Variants in ERICH5 observed in about 807,000 individuals in gnomAD.
ERICH5 encodes glutamate rich 5, also known as glutamate-rich protein 5.
Under a neutral mutation model 28.0 loss-of-function variants are expected in ERICH5, and 24 were observed. The ratio of observed to expected loss-of-function variants is 0.86; its 90% CI spans 0.62 to 1.21. The LOEUF is 1.21. Among genes scored for constraint, ERICH5 ranks in the 50% most tolerant of loss-of-function variants. The pLI, the probability that ERICH5 is intolerant of heterozygous loss-of-function variation, is 0.00. For synonymous variants in ERICH5, 163 were observed against 157.6 expected (o/e 1.03, Z -0.25); for missense variants, 421 against 441.2 (o/e 0.95, Z 0.41).
At chr8:98,079,362 C>T (rs767701006) in intron 1 of ERICH5, among the ~76,000 whole-genome samples, 16 of 151,700 alleles carry the variant, frequency 1.1e-4, no homozygotes, top group Admixed American at 7.2e-4. Flanking sequence ...CCTGCTAGAA[C>T]CCCTGTGCCC....
rs200498974 is a variant in ERICH5 at position 98,081,927 on chromosome 8, TAAA to T, written c.59-7135_59-7133del. Among the ~76,000 whole-genome samples the T allele has an allele frequency of 1.4e-4, 20 of 139,560 alleles. 1 individual carries two copies. In the South Asian group the frequency reaches 3.4e-3, roughly 24 times the overall value. The allele number at this position is 139,560 out of a possible 152,430, so 91.6% of individuals were successfully genotyped here. A position where few individuals can be genotyped will look rare whatever the true frequency, so the allele number is the denominator to read the frequency against. ...TGGGCAACAAGAATGAAACTTCGTC[TAAA>T]AAAAAAAAAAAAATTCCCCTATACT... On this transcript the variant is annotated intron_variant, in intron 1 of 2. Coordinates refer to ENST00000318528, the MANE Select transcript of ERICH5 (RefSeq NM_173549.3).
chr8:98,076,943 AC>A (rs1240710292), intron 1 of ERICH5, among the ~76,000 whole-genome samples: 2 of 152,272 alleles, frequency 1.3e-5, no homozygotes, highest in East Asian at 3.9e-4. Flanking sequence ...TGTGCCACTC[AC>A]TAGCTGTGTG....
At chr8:98,077,777 C>T (rs1815086105) in intron 1 of ERICH5, among the ~76,000 whole-genome samples, 1 of 151,960 alleles carries the variant, frequency 6.6e-6, no homozygotes, top group Non-Finnish European at 1.5e-5. Flanking sequence ...ACTATGTTGC[C>T]CAGGCTCATC....
chr8:98,087,598 G>T (rs1397921965), intron 1 of ERICH5, among the ~76,000 whole-genome samples: 1 of 151,674 alleles, frequency 6.6e-6, no homozygotes, highest in Non-Finnish European at 1.5e-5. Context: ...TTTGTGATTT[G>T]TTTTCCCCCT....
intron 2 of ERICH5, among the ~76,000 whole-genome samples, chr8:98,091,888 CTTTCTTTCTTTCCTTT>C (rs1815400906): frequency 1.3e-5 from 1 of 77,816 alleles, no homozygotes; most frequent in Non-Finnish European, 2.5e-5. Context: ...TTCTTTCTTT[CTTTCTTTCTTTCCTTT>C]CTTTCTTTCT....
chr8:98,069,022 C>G (rs1470100312), intron 1 of ERICH5, among the ~76,000 whole-genome samples: 1 of 152,220 alleles, frequency 6.6e-6, no homozygotes, highest in Admixed American at 6.5e-5. Flanking sequence ...GTTAGGTCAT[C>G]TGGTCCTAAC....
intron 1 of ERICH5, among the ~76,000 whole-genome samples, chr8:98,076,727 G>A (rs1276070330): frequency 6.6e-6 from 1 of 151,992 alleles, no homozygotes; most frequent in Non-Finnish European, 1.5e-5. Context: ...CTTCCCTGGT[G>A]ACTCCATAGG....
At chr8:98,074,034 A>G (rs1204680976) in intron 1 of ERICH5, among the ~76,000 whole-genome samples, 1 of 151,180 alleles carries the variant, frequency 6.6e-6, no homozygotes, top group Non-Finnish European at 1.5e-5. Flanking sequence ...AGCTGGGACT[A>G]TAGGCATGCA....
intron 1 of ERICH5, among the ~76,000 whole-genome samples, chr8:98,086,062 C>G (rs1225963032): frequency 1.3e-5 from 2 of 152,108 alleles, no homozygotes; most frequent in Non-Finnish European, 2.9e-5. Flanking sequence ...ATTAAAGCAT[C>G]TTCGGAGGTG....
intron 1 of ERICH5, among the ~76,000 whole-genome samples, chr8:98,077,723 TTC>T (rs1449854686): frequency 2.6e-5 from 4 of 152,124 alleles, no homozygotes; most frequent in African/African-American, 9.6e-5. Context: ...TTGTTTCTCT[TTC>T]TCTCTCTCTG....
chr8:98,073,189 C>A (rs192627920), intron 1 of ERICH5, among the ~76,000 whole-genome samples: 89 of 151,860 alleles, frequency 5.9e-4, no homozygotes, highest in African/African-American at 2.1e-3. Context: ...CAGGTACTGA[C>A]CCTCTCCATG....
At position 98,093,419 on chromosome 8, in the gene ERICH5, C is replaced by T. The variant is rs1815445160; in HGVS notation, c.*86C>T. ...TGTGGTTATGTATCTTATCTTTCTACATTTACATGTTTTCTGTAAGGAGTG... is the reference window on the plus strand; with the variant it reads ...TGTGGTTATGTATCTTATCTTTCTATATTTACATGTTTTCTGTAAGGAGTG... On this transcript the variant is annotated 3_prime_UTR_variant, in exon 3 of 3. Coordinates refer to ENST00000318528, the MANE Select transcript of ERICH5 (RefSeq NM_173549.3). 1 of 838,544 alleles carries T rather than the reference C, an allele frequency of 1.2e-6. No homozygotes were observed. Among genetic ancestry groups the T allele is most frequent in the South Asian group, 1.8e-5 (1 of 56,808 alleles). 51.9% of individuals were successfully genotyped at this position (838,544 alleles called of 1,614,324 possible). A position where few individuals can be genotyped will look rare whatever the true frequency, so the allele number is the denominator to read the frequency against.
intron 1 of ERICH5, among the ~76,000 whole-genome samples, chr8:98,069,582 C>G (rs1281856072): frequency 6.6e-6 from 1 of 151,948 alleles, no homozygotes; most frequent in Non-Finnish European, 1.5e-5. Flanking sequence ...ATAATATGTT[C>G]CTTGATTTAT....
chr8:98,092,777 C>CTTTT (rs1038008713), intron 2 of ERICH5, among the ~76,000 whole-genome samples: 2 of 139,920 alleles, frequency 1.4e-5, no homozygotes, highest in African/African-American at 2.6e-5. Flanking sequence ...TTTTCTTTTC[C>CTTTT]TTTTTTTTTT....
At chr8:98,091,900 C>CTTTTTCTTTCTTT in intron 2 of ERICH5, among the ~76,000 whole-genome samples, 2 of 74,676 alleles carry the variant, frequency 2.7e-5, no homozygotes, top group African/African-American at 1.1e-4. Context: ...TTCTTTCTTT[C>CTTTTTCTTTCTTT]CTTTCTTTCT....
At chr8:98,074,112 G>A (rs926501626) in intron 1 of ERICH5, among the ~76,000 whole-genome samples, 2 of 151,276 alleles carry the variant, frequency 1.3e-5, no homozygotes, top group Admixed American at 6.6e-5. Flanking sequence ...GCCCAACCTC[G>A]TCCCTAATTG....
intron 1 of ERICH5, among the ~76,000 whole-genome samples, chr8:98,076,816 T>C (rs556617632): frequency 7.6e-6 from 1 of 131,878 alleles, no homozygotes; most frequent in Admixed American, 8.7e-5. Context: ...AGATTCAGCA[T>C]TGAAAAAAAA....
intron 1 of ERICH5, among the ~76,000 whole-genome samples, chr8:98,072,732 G>A (rs984004877): frequency 1.3e-5 from 2 of 152,172 alleles, no homozygotes; most frequent in Non-Finnish European, 2.9e-5. Flanking sequence ...CTTTTGCTTA[G>A]AGATAACATC....
At chr8:98,085,775 TC>T (rs1184525094) in intron 1 of ERICH5, among the ~76,000 whole-genome samples, 19 of 152,200 alleles carry the variant, frequency 1.2e-4, no homozygotes, top group African/African-American at 4.6e-4. Context: ...AGCCGCACTA[TC>T]CTTTCCTGAG....
Sources: gnomAD v4.1 joint callset for allele counts (sites outside exome capture counted in the v4.1 genomes callset) on GRCh38, gnomAD v4.1.1 for gene constraint, MANE v1.5 for transcripts, NCBI Gene and HGNC (gene_info 2026-07-23, HGNC 2026-07-21) for gene names.